Variants in CHIC2 observed in about 807,000 individuals in gnomAD.
CHIC2 encodes cysteine-rich hydrophobic domain-containing protein 2.
Under a neutral mutation model 25.9 loss-of-function variants are expected in CHIC2, and 14 were observed. The ratio of observed to expected loss-of-function variants is 0.54; its 90% CI spans 0.36 to 0.85. The LOEUF (loss-of-function observed/expected upper bound fraction) is 0.85. Among genes scored for constraint, CHIC2 ranks in the 40% least tolerant of loss-of-function variants. The pLI is 0.01. For synonymous variants in CHIC2, 70 were observed against 72.0 expected (o/e 0.97, Z 0.14); for missense variants, 146 against 202.0 (o/e 0.72, Z 1.68).
At chr4:54,087,569 G>T in the CHIC2 span, 1 of 1,106,674 alleles carries the variant, frequency 9.0e-7, no homozygotes. Flanking sequence ...TCACCCTGAT[G>T]CTCCTGTGTC....
the CHIC2 span, among the ~76,000 whole-genome samples, chr4:54,070,082 G>T: frequency 1.3e-5 from 2 of 152,218 alleles, no homozygotes; most frequent in Admixed American, 6.5e-5. Flanking sequence ...TGACATGTAA[G>T]CTGATGAGCT....
intron 3 of CHIC2, among the ~76,000 whole-genome samples, chr4:54,043,436 A>AG (rs1716655957): frequency 6.6e-6 from 1 of 151,692 alleles, no homozygotes; most frequent in African/African-American, 2.4e-5. Flanking sequence ...AAAAAAAAAA[A>AG]AAAGAAACAC....
Position 54,032,862 on chromosome 4 carries a change from C to T in CHIC2, c.330+16093G>A, listed in dbSNP as rs555998771. ...CTTTTAAAGAGCTGGGGTATGTGTCCCCTCTAAATCTCATGTTGAAATGTA... is the reference window on the plus strand; with the variant it reads ...CTTTTAAAGAGCTGGGGTATGTGTCTCCTCTAAATCTCATGTTGAAATGTA... On this transcript the variant is annotated intron_variant, in intron 3 of 5. Coordinates refer to ENST00000263921, the MANE Select transcript of CHIC2 (RefSeq NM_012110.4). 3.5e-4 allele frequency among the ~76,000 whole-genome samples: 53 copies of T among 152,122 alleles called. No homozygotes were observed. The South Asian group carries it at 7.5e-3, about 21-fold the overall frequency.
the CHIC2 span, among the ~76,000 whole-genome samples, chr4:54,086,393 G>A: frequency 1.3e-5 from 2 of 152,234 alleles, no homozygotes; most frequent in African/African-American, 4.8e-5. Flanking sequence ...GCACCATTGA[G>A]TTTGGGGTTT....
At chr4:54,080,164 A>ATATATATATGTG in the CHIC2 span, among the ~76,000 whole-genome samples, 144 of 148,214 alleles carry the variant, frequency 9.7e-4, no homozygotes, top group African/African-American at 3.4e-3. Flanking sequence ...ATGTATGTGT[A>ATATATATATGTG]TATATATATG....
intron 3 of CHIC2, among the ~76,000 whole-genome samples, chr4:54,017,321 C>T (rs1715767202): frequency 1.3e-5 from 2 of 152,000 alleles, no homozygotes; most frequent in African/African-American, 4.8e-5. Flanking sequence ...TGGGATCTGT[C>T]AACATGAAAC....
chr4:54,064,716 G>A (rs1717464384), upstream of CHIC2: 3 of 962,468 alleles, frequency 3.1e-6, no homozygotes, highest in South Asian at 4.8e-5. The surrounding 1 kb of genome is among the most constrained non-coding windows in gnomAD (Gnocchi z 4.2). Flanking sequence ...CGAGCGGACT[G>A]GCTGGCGGGC....
chr4:54,067,556 C>T (rs1717542218), upstream of CHIC2, among the ~76,000 whole-genome samples: 1 of 152,168 alleles, frequency 6.6e-6, no homozygotes, highest in African/African-American at 2.4e-5. Flanking sequence ...GATCCTCTCC[C>T]TCTGTGTCCA....
intron 5 of CHIC2, among the ~76,000 whole-genome samples, chr4:54,011,326 T>G (rs1358785277): frequency 6.6e-6 from 1 of 152,104 alleles, no homozygotes; most frequent in Admixed American, 6.6e-5. Context: ...CACTAAGGCT[T>G]AGCTGTCACA....
At chr4:54,083,018 C>CTTTTTTTTTTTTTTTTT in the CHIC2 span, among the ~76,000 whole-genome samples, 25 of 67,924 alleles carry the variant, frequency 3.7e-4, no homozygotes, top group South Asian at 6.4e-4. Context: ...TTCTTTCTTT[C>CTTTTTTTTTTTTTTTTT]TTTTTTTTTT....
At chr4:54,040,115 T>C (rs1175577622) in intron 3 of CHIC2, among the ~76,000 whole-genome samples, 2 of 152,356 alleles carry the variant, frequency 1.3e-5, no homozygotes, top group Non-Finnish European at 2.9e-5. Flanking sequence ...AAAACTGTTA[T>C]GTATCTTGAT....
rs1348565738 is a variant in CHIC2 at position 54,044,976 on chromosome 4, G to A, written c.330+3979C>T. ...AAATGATAAAGGGGATATCACCACC[G>A]ATCCCACAGAAATACAAACTACCAT... On this transcript the variant is annotated intron_variant, in intron 3 of 5. Coordinates refer to ENST00000263921, the MANE Select transcript of CHIC2 (RefSeq NM_012110.4). Among the ~76,000 whole-genome samples the A allele has an allele frequency of 4.6e-5, 7 of 151,792 alleles. No individual in the cohort carries two copies. The South Asian group carries it at 6.3e-4, about 14-fold the overall frequency.
chr4:54,084,959 C>CA, the CHIC2 span, among the ~76,000 whole-genome samples: 4,414 of 58,662 alleles, frequency 0.075, 246 homozygotes, highest in Admixed American at 0.15. Flanking sequence ...TGCTCTGTCT[C>CA]AAAAAAAAAA....
chr4:54,074,350 G>A, the CHIC2 span, among the ~76,000 whole-genome samples: 1 of 152,134 alleles, frequency 6.6e-6, no homozygotes, highest in East Asian at 1.9e-4. Flanking sequence ...GCCCCTGAAT[G>A]CATGCTGAGA....
chr4:54,087,978 T>C, the CHIC2 span, among the ~76,000 whole-genome samples: 1 of 152,226 alleles, frequency 6.6e-6, no homozygotes, highest in Admixed American at 6.5e-5. Context: ...TCAAAGTTGC[T>C]ACCAGGGTAT....
the CHIC2 span, among the ~76,000 whole-genome samples, chr4:54,071,587 C>T: frequency 3.3e-5 from 5 of 152,254 alleles, no homozygotes; most frequent in African/African-American, 1.2e-4. Flanking sequence ...CTATGCTACA[C>T]TGGTCTTAAA....
intron 5 of CHIC2, among the ~76,000 whole-genome samples, chr4:54,013,399 G>A (rs757371430): frequency 3.4e-4 from 52 of 151,974 alleles, no homozygotes; most frequent in Non-Finnish European, 4.9e-4. Context: ...ACTGAGGTAC[G>A]GGCAGTTAAA....
In CHIC2 at chr4:54,049,690, C is replaced by T. The variant is rs530415549; in HGVS notation, c.120-385G>A. Among the ~76,000 whole-genome samples the T allele has an allele frequency of 7.2e-5, 11 of 151,932 alleles. No homozygotes were observed. In the East Asian group the frequency reaches 1.9e-3, roughly 27 times the overall value. ...ATGTTATTGGTGGAAACAAACAATA[C>T]CTGTGAATTTTAGCAGGTGTCCTAC... On this transcript the variant is annotated intron_variant, in intron 1 of 5. Transcript: ENST00000263921.
intron 3 of CHIC2, among the ~76,000 whole-genome samples, chr4:54,042,011 A>T (rs1321014202): frequency 2.9e-5 from 4 of 139,786 alleles, no homozygotes; most frequent in Admixed American, 7.2e-5. Flanking sequence ...AGTATAATTT[A>T]AAAAAAAAAA....
Sources: allele counts gnomAD v4.1 joint callset (sites outside exome capture counted in the v4.1 genomes callset), GRCh38; gene constraint gnomAD v4.1.1; non-coding constraint Gnocchi (gnomAD v3.1); transcripts MANE v1.5; gene names NCBI Gene and HGNC (gene_info 2026-07-23, HGNC 2026-07-21).